SEPTIN7: variants seen among roughly 807,000 people sequenced by gnomAD.
The protein encoded by SEPTIN7 is septin-7.
SEPTIN7 carries 10 observed loss-of-function variants against 63.3 expected under a neutral mutation model. The ratio of observed to expected loss-of-function variants is 0.16; its 90% CI spans 0.10 to 0.27. The LOEUF (loss-of-function observed/expected upper bound fraction) is 0.27, where lower values mean the gene tolerates loss of function less well. Among genes scored for constraint, SEPTIN7 ranks in the 10% least tolerant of loss-of-function variants. The pLI is 1.00. For synonymous variants in SEPTIN7, 131 were observed against 165.3 expected, an observed-to-expected ratio of 0.79 and a Z score of 1.59; for missense variants, 310 against 521.0, an observed-to-expected ratio of 0.59 and a Z score of 3.94.
At chr7:35,897,033 A>G (rs1278203993) in intron 11 of SEPTIN7, among the ~76,000 whole-genome samples, 2 of 152,210 alleles carry the variant, frequency 1.3e-5, no homozygotes, top group Non-Finnish European at 2.9e-5. Context: ...TTAGCCTAAT[A>G]AGGAGAAAAG....
At chr7:35,888,782 T>C (rs756232013) in intron 10 of SEPTIN7, 3 of 265,508 alleles carry the variant, frequency 1.1e-5, no homozygotes, top group Non-Finnish European at 1.4e-5. Context: ...ATCGTACCAC[T>C]GCATTCCATC....
At chr7:35,802,274 G>A in intron 1 of SEPTIN7, 1 of 368,068 alleles carries the variant, frequency 2.7e-6, no homozygotes, top group Non-Finnish European at 5.6e-6. Flanking sequence ...TGTGTGTATA[G>A]TAAGAAATAA....
At chr7:35,853,850 T>G (rs1234416401) in intron 3 of SEPTIN7, among the ~76,000 whole-genome samples, 1 of 152,148 alleles carries the variant, frequency 6.6e-6, no homozygotes. Flanking sequence ...TGAGAGTGGG[T>G]ATTTAGAAAG....
intron 1 of SEPTIN7, among the ~76,000 whole-genome samples, chr7:35,817,914 G>T (rs1209449611): frequency 1.3e-5 from 2 of 150,530 alleles, no homozygotes; most frequent in African/African-American, 4.9e-5. Flanking sequence ...GATTCTTTTG[G>T]ATTTTTTATT....
intron 1 of SEPTIN7, among the ~76,000 whole-genome samples, chr7:35,807,005 A>G (rs1398479004): frequency 6.6e-6 from 1 of 152,198 alleles, no homozygotes; most frequent in Non-Finnish European, 1.5e-5. Flanking sequence ...TGTGCTTTAT[A>G]AAATATATTT....
downstream of SEPTIN7, among the ~76,000 whole-genome samples, chr7:35,909,278 A>G (rs1300405560): frequency 1.3e-5 from 2 of 152,184 alleles, no homozygotes; most frequent in Non-Finnish European, 2.9e-5. Flanking sequence ...AGACCTTTTT[A>G]TTGCTGGGCA....
intron 7 of SEPTIN7, among the ~76,000 whole-genome samples, chr7:35,881,099 G>C (rs1786846917): frequency 6.6e-6 from 1 of 151,754 alleles, no homozygotes; most frequent in Non-Finnish European, 1.5e-5. Flanking sequence ...AGAATACCTT[G>C]AAACCTGTTA....
intron 1 of SEPTIN7, among the ~76,000 whole-genome samples, chr7:35,823,090 A>T (rs2115810482): frequency 6.6e-6 from 1 of 152,318 alleles, no homozygotes; most frequent in African/African-American, 2.4e-5. Context: ...AAAAATATTT[A>T]AAAGTAAAAT....
intron 1 of SEPTIN7, among the ~76,000 whole-genome samples, chr7:35,828,108 T>C (rs1199523539): frequency 2.6e-5 from 4 of 152,172 alleles, no homozygotes; most frequent in Non-Finnish European, 4.4e-5. Context: ...TTAAAAAATA[T>C]TTATTATAAT....
At chr7:35,851,638 TAG>T (rs1035705574) in intron 3 of SEPTIN7, among the ~76,000 whole-genome samples, 4 of 152,176 alleles carry the variant, frequency 2.6e-5, no homozygotes, top group African/African-American at 7.2e-5. Context: ...TGTGTTTAAG[TAG>T]AGTTTGATTT....
intron 10 of SEPTIN7, among the ~76,000 whole-genome samples, chr7:35,886,388 T>C (rs2116308899): frequency 1.3e-5 from 2 of 151,668 alleles, no homozygotes; most frequent in South Asian, 4.2e-4. Flanking sequence ...AAGGAAAGCC[T>C]ATGGGAGCAG....
chr7:35,835,016 T>A (rs1260622292), intron 3 of SEPTIN7, among the ~76,000 whole-genome samples: 1 of 152,188 alleles, frequency 6.6e-6, no homozygotes, highest in African/African-American at 2.4e-5. Context: ...CCTTTAATAA[T>A]CTTGCTTCAT....
intron 11 of SEPTIN7, among the ~76,000 whole-genome samples, chr7:35,892,955 C>T (rs77591021): frequency 3.8e-4 from 58 of 152,214 alleles, no homozygotes; most frequent in Middle Eastern, 6.8e-3. Flanking sequence ...CATTGAATAA[C>T]GCATACTGAA....
At chr7:35,818,633 T>A (rs1469251179) in intron 1 of SEPTIN7, among the ~76,000 whole-genome samples, 2 of 151,930 alleles carry the variant, frequency 1.3e-5, no homozygotes, top group African/African-American at 2.4e-5. Flanking sequence ...GTGTGTTAGT[T>A]ATTTTTTGTT....
chr7:35,832,767 T>G, intron 2 of SEPTIN7, 31 bp from the exon 3 acceptor site: 1 of 1,182,416 alleles, frequency 8.5e-7, no homozygotes, highest in Non-Finnish European at 1.3e-6. Flanking sequence ...TGTTGATACA[T>G]GAATAACTTG....
chr7:35,807,890 G>A (rs533742246), intron 1 of SEPTIN7, among the ~76,000 whole-genome samples: 35 of 151,804 alleles, frequency 2.3e-4, no homozygotes, highest in African/African-American at 8.0e-4. Context: ...TGGCATGATC[G>A]TGGCTCACTG....
intron 4 of SEPTIN7, among the ~76,000 whole-genome samples, chr7:35,869,092 AG>A (rs781702147): frequency 7.2e-5 from 11 of 152,206 alleles, no homozygotes; most frequent in Non-Finnish European, 1.6e-4. Context: ...GGGTTAATCC[AG>A]AGTGGGATTT....
At chr7:35,909,524 C>G (rs78451087), downstream of SEPTIN7, among the ~76,000 whole-genome samples, 12 of 152,242 alleles carry the variant, frequency 7.9e-5, no homozygotes, top group African/African-American at 2.4e-4. Flanking sequence ...CCACCAAATG[C>G]GAATGTTTTA....
intron 3 of SEPTIN7, among the ~76,000 whole-genome samples, chr7:35,842,519 T>G (rs1464240898): frequency 2.6e-5 from 4 of 152,134 alleles, no homozygotes; most frequent in Non-Finnish European, 5.9e-5. Flanking sequence ...GCTGAATGGG[T>G]TCACTGACTT....
Sources: allele counts gnomAD v4.1 joint callset (sites outside exome capture counted in the v4.1 genomes callset), GRCh38; gene constraint gnomAD v4.1.1; transcripts MANE v1.5; gene names NCBI Gene and HGNC (gene_info 2026-07-23, HGNC 2026-07-21).